The following DENND2C variants were observed in gnomAD, a reference collection of about 807,000 sequenced individuals.
The protein encoded by DENND2C is DENN domain containing 2C.
Under a neutral mutation model 112.4 loss-of-function variants are expected in DENND2C, and 72 were observed. The observed-to-expected ratio is 0.64, with a 90% CI of 0.53 to 0.78. The LOEUF (loss-of-function observed/expected upper bound fraction) is 0.78. DENND2C is among the 30% of genes least tolerant of loss of function. The probability of loss-of-function intolerance (pLI) is 0.00; values close to 1 mark genes in which losing one functional copy is unlikely to be tolerated. For missense variants in DENND2C, 992 were observed against 1,113.8 expected, an observed-to-expected ratio of 0.89 and a Z score of 1.56; for synonymous variants, 329 against 381.6, an observed-to-expected ratio of 0.86 and a Z score of 1.61.
intron 2 of DENND2C, among the ~76,000 whole-genome samples, chr1:114,645,932 C>CT (rs1000648499): frequency 8.0e-4 from 116 of 145,524 alleles, no homozygotes; most frequent in East Asian, 1.0e-3. Context: ...ATTTCTCATT[C>CT]TTTTTTTTTT....
chr1:114,587,449 T>A lies in DENND2C; in HGVS notation c.2693A>T (p.Gln898Leu). Reference protein sequence around the residue: ...VKGLFEIRAIQYLETIPESEP... With the variant: ...VKGLFEIRAILYLETIPESEP... ...CGACTCAGGAATTGTTTCCAAATAC[T>A]GGATGGCCCGGATCTCAAACAAACC... The change falls in exon 20 of 21, where the codon CAG (glutamine) becomes CTG (leucine). Residue 898 changes from glutamine (Q) to leucine (L), a missense_variant. Transcript: ENST00000393274. 1 of 1,614,192 alleles carries A rather than the reference T, an allele frequency of 6.2e-7. No homozygotes were observed. Among genetic ancestry groups the A allele is most frequent in the Non-Finnish European group, 8.5e-7 (1 of 1,180,030 alleles).
intron 2 of DENND2C, among the ~76,000 whole-genome samples, chr1:114,646,573 G>A (rs1656994431): frequency 6.6e-6 from 1 of 152,202 alleles, no homozygotes; most frequent in Non-Finnish European, 1.5e-5. Context: ...ACAAACAAGT[G>A]AGGATGTCAC....
rs1654962561 is a variant in DENND2C at position 114,583,647 on chromosome 1, A to C, written c.*1953T>G. Reference sequence around the variant, plus strand: ...CATGGTGAAACCCCCGTCTCCACTAAAAGTACAAAATTAGCCAGGTGTGGT... The same window carrying C: ...CATGGTGAAACCCCCGTCTCCACTACAAGTACAAAATTAGCCAGGTGTGGT... On this transcript the variant is annotated 3_prime_UTR_variant, in exon 21 of 21. Transcript: ENST00000393274. The C allele has an allele frequency of 6.6e-6, 1 of 152,078 alleles. No homozygotes were observed. The highest frequency in any genetic ancestry group is 1.5e-5 in the Non-Finnish European group (1 of 68,040). The allele number at this position is 152,078 out of a possible 1,614,324, so 9.4% of individuals were successfully genotyped here. A position where few individuals can be genotyped will look rare whatever the true frequency, so the allele number is the denominator to read the frequency against.
chr1:114,589,446 T>C (rs1170001544), intron 18 of DENND2C, among the ~76,000 whole-genome samples: 1 of 152,228 alleles, frequency 6.6e-6, no homozygotes, highest in Non-Finnish European at 1.5e-5. Flanking sequence ...TAGGTTTTTG[T>C]TATATTTTGT....
At chr1:114,663,951 CTTTTTT>C (rs538184910) in intron 1 of DENND2C, among the ~76,000 whole-genome samples, 2 of 131,008 alleles carry the variant, frequency 1.5e-5, no homozygotes, top group African/African-American at 2.8e-5. Context: ...TACTGCTATT[CTTTTTT>C]TTTTTTTTTT....
Position 114,584,620 on chromosome 1 carries a change from G to GA in DENND2C, c.*979_*980insT, listed in dbSNP as rs1357318985. ...GAGATGCAAATATCTATCTCATAAGGTTGATTTAAGGATTGGTTGAGATGA... is the reference window on the plus strand; with the variant it reads ...GAGATGCAAATATCTATCTCATAAGGATTGATTTAAGGATTGGTTGAGATGA... On this transcript the variant is annotated 3_prime_UTR_variant, in exon 21 of 21. Transcript: ENST00000393274. 10 of 152,112 alleles carry GA rather than the reference G, an allele frequency of 6.6e-5. No homozygotes were observed. The highest frequency in any genetic ancestry group is 2.1e-4 in the South Asian group (1 of 4,828). The allele number at this position is 152,112 out of a possible 1,614,324, so 9.4% of individuals were successfully genotyped here.
chr1:114,660,502 A>G (rs904884236), intron 1 of DENND2C, among the ~76,000 whole-genome samples: 5 of 152,010 alleles, frequency 3.3e-5, no homozygotes, highest in African/African-American at 1.2e-4. Flanking sequence ...TTTCAGCTGT[A>G]TTGTTTTGAC....
intron 2 of DENND2C, among the ~76,000 whole-genome samples, chr1:114,648,098 G>C (rs1002574138): frequency 6.6e-6 from 1 of 152,204 alleles, no homozygotes; most frequent in African/African-American, 2.4e-5. Flanking sequence ...GTGAGTCACC[G>C]CGCCTGGCCT....
intron 2 of DENND2C, among the ~76,000 whole-genome samples, chr1:114,646,858 A>C (rs1334849124): frequency 6.6e-6 from 1 of 152,056 alleles, no homozygotes; most frequent in African/African-American, 2.4e-5. Flanking sequence ...CATTTCACCT[A>C]GGTAAACAGA....
chr1:114,625,795 C>T lies in DENND2C; in HGVS notation c.190G>A (p.Ala64Thr), dbSNP rs948311939. 1.7e-5 allele frequency: 28 copies of T among 1,613,974 alleles called. No individual in the cohort carries two copies. In the Admixed American group the frequency reaches 4.7e-4, roughly 27 times the overall value. The change falls in exon 4 of 21, where the codon GCT becomes ACT. Residue 64 changes from alanine to threonine, a missense_variant. By Grantham distance (58) the Ala-to-Thr change is moderately conservative. This residue lies in a region of DENND2C where 470 missense variants were observed against 472.7 expected (regional missense o/e 0.99). Transcript: ENST00000393274. ...TCCAAGTTTTTGCTCTTTCTCTCAG[C>T]TATAGGATTTTTCTTAAGACGGATC... ...QEIRLKKNPIAERKSKNLDVT... is the reference protein window; with the variant it reads ...QEIRLKKNPITERKSKNLDVT...
chr1:114,655,866 T>TTATATATATGTA (rs1553238208), intron 1 of DENND2C, among the ~76,000 whole-genome samples: 4 of 62,462 alleles, frequency 6.4e-5, no homozygotes, highest in African/African-American at 2.8e-4. Flanking sequence ...CAAAGAACTT[T>TTATATATATGTA]TATATATATA....
At chr1:114,590,762 G>C (rs1655164573) in intron 18 of DENND2C, among the ~76,000 whole-genome samples, 1 of 133,058 alleles carries the variant, frequency 7.5e-6, no homozygotes, top group Non-Finnish European at 1.6e-5. Context: ...CTGGGCGACA[G>C]AGCGAGACTC....
At chr1:114,651,190 C>T (rs534906634) in intron 2 of DENND2C, among the ~76,000 whole-genome samples, 1 of 152,108 alleles carries the variant, frequency 6.6e-6, no homozygotes, top group Admixed American at 6.6e-5. Flanking sequence ...GTAAACCCAG[C>T]ACTTTGGGAG....
At chr1:114,628,805 T>C (rs1656415211) in intron 3 of DENND2C, among the ~76,000 whole-genome samples, 1 of 152,250 alleles carries the variant, frequency 6.6e-6, no homozygotes, top group Non-Finnish European at 1.5e-5. Flanking sequence ...GCGCCTCCTC[T>C]CCCATGGCTC....
rs189200542 is a variant in DENND2C at position 114,597,437 on chromosome 1, T to C, written c.2284-1564A>G. The stretch of plus-strand genomic sequence containing the variant: ...CCAGCCTGGGGGACAAGAGTGAGAC[T>C]TCATCTCAAAAAGAAAAGAGAAGAA... On this transcript the variant is annotated intron_variant, in intron 16 of 20. Transcript: ENST00000393274. 3.2e-3 allele frequency among the ~76,000 whole-genome samples: 474 copies of C among 148,258 alleles called. 1 individual carries two copies. The highest frequency in any genetic ancestry group is 0.01 in the Admixed American group (149 of 14,758).
At chr1:114,669,190 G>A (rs558174521) in intron 1 of DENND2C, among the ~76,000 whole-genome samples, 79 of 152,326 alleles carry the variant, frequency 5.2e-4, no homozygotes, top group African/African-American at 1.9e-3. Flanking sequence ...AGTAGTAGTT[G>A]CTTCACAGAA....
intron 7 of DENND2C, among the ~76,000 whole-genome samples, 160 bp downstream of exon 7, chr1:114,621,735 T>C (rs1192887418): frequency 6.6e-6 from 1 of 152,238 alleles, no homozygotes; most frequent in African/African-American, 2.4e-5. Flanking sequence ...TGCACTTCTC[T>C]AGCATGAGCA....
At chr1:114,594,307 GA>G (rs1222531315) in intron 18 of DENND2C, among the ~76,000 whole-genome samples, 165 bp downstream of exon 18, 12 of 152,352 alleles carry the variant, frequency 7.9e-5, no homozygotes, top group African/African-American at 2.9e-4. Flanking sequence ...TGAAATAGAA[GA>G]GGACCTGGCA....
chr1:114,657,860 G>A (rs1227089460), intron 1 of DENND2C, among the ~76,000 whole-genome samples: 1 of 152,058 alleles, frequency 6.6e-6, no homozygotes, highest in Non-Finnish European at 1.5e-5. Context: ...GGAAGGAGTC[G>A]CTAAAGAGGA....
Sources: allele counts gnomAD v4.1 joint callset (sites outside exome capture counted in the v4.1 genomes callset), GRCh38; gene constraint gnomAD v4.1.1; regional missense constraint gnomAD v4.1.1; transcripts MANE v1.5; gene names NCBI Gene and HGNC (gene_info 2026-07-23, HGNC 2026-07-21).